Variants in FSCB observed in about 807,000 individuals in gnomAD.
FSCB encodes fibrous sheath CABYR-binding protein.
For synonymous variants in FSCB, 331 were observed against 336.6 expected (o/e 0.98, Z 0.18); for missense variants, 975 against 934.8 (o/e 1.04, Z -0.56).
rs151240998 is a variant in FSCB, at chr14:44,505,644, G to T, written c.1344C>A (p.Thr448=). ...RELQLSTAME[T]PAEEAPTEFQ... is the part of the protein sequence containing the mutation. The stretch of plus-strand genomic sequence containing the variant: ...ATTCAGTAGGAGCCTCTTCTGCAGG[G>T]GTCTCCATAGCTGTTGAAAGCTGAA... The change falls in exon 1 of 1, where the codon ACC becomes ACA. Residue 448 remains threonine (T), a synonymous_variant. Coordinates refer to ENST00000340446, the MANE Select transcript of FSCB (RefSeq NM_032135.4). 2.5e-6 allele frequency: 4 copies of T among 1,613,282 alleles called. No homozygotes were observed. Among genetic ancestry groups the T allele is most frequent in the South Asian group, 1.1e-5 (1 of 91,020 alleles).
rs776935902 is a variant in FSCB, at chr14:44,505,785, A to G, written c.1203T>C (p.Ala401=). 6.2e-7 allele frequency: 1 copy of G among 1,614,060 alleles called. No individual in the cohort carries two copies. Among genetic ancestry groups the G allele is most frequent in the South Asian group, 1.1e-5 (1 of 91,074 alleles). Residue 401 remains alanine, a synonymous_variant, in exon 1 of 1, where the codon GCT becomes GCC. Transcript: ENST00000340446. The part of the protein sequence containing the change: ...KAPIEVQPLP[A]EGALEEAPAK... Reference sequence around the variant, plus strand: ...CTGGGGCCTCTTCAAGGGCGCCCTCAGCTGGTAAAGGCTGTACTTCAATGG... The same window carrying G: ...CTGGGGCCTCTTCAAGGGCGCCCTCGGCTGGTAAAGGCTGTACTTCAATGG...
At position 44,505,124 on chromosome 14, in the gene FSCB, C is replaced by A. The variant is rs1186803978; in HGVS notation, c.1864G>T (p.Val622Phe). Residue 622 changes from valine (V) to phenylalanine (F), a missense_variant, in exon 1 of 1, where the codon GTT (valine) becomes TTT (phenylalanine). By Grantham distance (50) the Val-to-Phe change is conservative. Transcript: ENST00000340446. ...PPPAEEAPAE[V>F]QPPPAEEAPA... ...GCCTCCTCAGCTGGTGGAGGCTGAA[C>A]TTCAGCGGGGGCCTCCTCAGCTGGT... The A allele has an allele frequency of 6.3e-7, 1 of 1,598,580 alleles. No individual in the cohort carries two copies. Among genetic ancestry groups the A allele is most frequent in the Non-Finnish European group, 8.5e-7 (1 of 1,176,946 alleles).
chr14:44,504,699 C>T lies in FSCB; in HGVS notation c.2289G>A (p.Pro763=), dbSNP rs749000829. 6.1e-5 allele frequency: 99 copies of T among 1,614,110 alleles called. No homozygotes were observed. The highest frequency in any genetic ancestry group is 1.8e-4 in the South Asian group (16 of 91,086). ...TTACTGCTGGAATTCCTGCCACCTGCGGTGACTGAAATTCTGTAGACACAT... is the reference window on the plus strand; with the variant it reads ...TTACTGCTGGAATTCCTGCCACCTGTGGTGACTGAAATTCTGTAGACACAT... The part of the protein sequence containing the change: ...VENVSTEFQS[P]QVAGIPAVKL... Residue 763 remains proline (P), a synonymous_variant, in exon 1 of 1, where the codon CCG becomes CCA. Transcript: ENST00000340446.
Position 44,505,245 on chromosome 14 carries a change from A to T in FSCB, c.1743T>A (p.Gly581=). ...EAPLELQPPS[G]EETTAEEASA... is the part of the protein sequence containing the mutation. The stretch of plus-strand genomic sequence containing the variant: ...AGGCCTCTTCTGCAGTGGTCTCTTC[A>T]CCTGATGGAGGCTGAAGCTCAAGAG... The change falls in exon 1 of 1, where the codon GGT becomes GGA. Residue 581 remains glycine, a synonymous_variant. Coordinates refer to ENST00000340446, the MANE Select transcript of FSCB (RefSeq NM_032135.4). 6.2e-7 allele frequency: 1 copy of T among 1,613,074 alleles called. No homozygotes were observed. The highest frequency in any genetic ancestry group is 8.5e-7 in the Non-Finnish European group (1 of 1,179,880).
Position 44,505,350 on chromosome 14 carries a change from T to G in FSCB, c.1638A>C (p.Leu546=). ...CCTCTTCTGCAGAAGTCTCCTCAGA[T>G]AGTGGAGACTGAGCTTCAGCAGGAG... ...DETPAEAQSP[L]SEETSAEEAP... is the part of the protein sequence containing the mutation. Residue 546 remains leucine (L), a synonymous_variant, in exon 1 of 1, where the codon CTA becomes CTC. Transcript: ENST00000340446. The G allele has an allele frequency of 1.2e-6, 2 of 1,613,034 alleles. No individual in the cohort carries two copies. The highest frequency in any genetic ancestry group is 1.7e-6 in the Non-Finnish European group (2 of 1,179,970).
rs1169250295 is a variant in FSCB, at chr14:44,504,931, G to A, written c.2057C>T (p.Pro686Leu). 1 of 1,609,558 alleles carries A rather than the reference G, an allele frequency of 6.2e-7. No homozygotes were observed. The highest frequency in any genetic ancestry group is 1.4e-5 in the African/African-American group (1 of 71,570). The change falls in exon 1 of 1, where the codon CCA becomes CTA. Residue 686 changes from proline (P) to leucine (L), a missense_variant. Transcript: ENST00000340446. ...EEAPAEVQSL[P>L]AEETPIEETL... The stretch of plus-strand genomic sequence containing the variant: ...CTCTTCTATAGGAGTCTCCTCAGCT[G>A]GTAGAGACTGAACTTCAGCAGGGGC...
chr14:44,506,215 T>G lies in FSCB; in HGVS notation c.773A>C (p.Glu258Ala). The G allele has an allele frequency of 6.2e-7, 1 of 1,614,202 alleles. No individual in the cohort carries two copies. Among genetic ancestry groups the G allele is most frequent in the South Asian group, 1.1e-5 (1 of 91,082 alleles). Residue 258 changes from glutamate (E) to alanine (A), a missense_variant, in exon 1 of 1, where the codon GAG (glutamate) becomes GCG (alanine). Coordinates refer to ENST00000340446, the MANE Select transcript of FSCB (RefSeq NM_032135.4). ...TGGGAATTTTTCTGTTGATGGAGGC[T>G]CTATTTCAGCAGAAGCCACTTTTTT... ...AVKKVASAEI[E>A]PPSTEKFPAK...
chr14:44,505,324 G>A lies in FSCB; in HGVS notation c.1664C>T (p.Ala555Val), dbSNP rs1271612983. Residue 555 changes from alanine (A) to valine (V), a missense_variant, in exon 1 of 1, where the codon GCT becomes GTT. Transcript: ENST00000340446. ...PLSEETSAEE[A>V]PAEVQSPSAK... is the part of the protein sequence containing the mutation. ...TGATGGAGACTGAACTTCAGCAGGA[G>A]CCTCTTCTGCAGAAGTCTCCTCAGA... 1.2e-6 allele frequency: 2 copies of A among 1,612,924 alleles called. No individual in the cohort carries two copies. Among genetic ancestry groups the A allele is most frequent in the African/African-American group, 2.7e-5 (2 of 74,788 alleles).
chr14:44,506,052 A>G lies in FSCB; in HGVS notation c.936T>C (p.Asn312=), dbSNP rs1465979539. 1 of 1,614,146 alleles carries G rather than the reference A, an allele frequency of 6.2e-7. No homozygotes were observed. Among genetic ancestry groups the G allele is most frequent in the Non-Finnish European group, 8.5e-7 (1 of 1,180,036 alleles). ...CAGGTGGAGGCTGAACTTTAACAGA[A>G]TTCTCCGCAACTGCAGTGGCTGCCT... The part of the protein sequence containing the change: ...DAEAATAVAE[N]SVKVQPPPAE... The change falls in exon 1 of 1, where the codon AAT becomes AAC. Residue 312 remains asparagine (N), a synonymous_variant. Coordinates refer to ENST00000340446, the MANE Select transcript of FSCB (RefSeq NM_032135.4).
In FSCB at chr14:44,506,961, A is replaced by G. The variant is rs759643320; in HGVS notation, c.27T>C (p.Asp9=). 1.9e-5 allele frequency: 30 copies of G among 1,587,254 alleles called. No individual in the cohort carries two copies. The highest frequency in any genetic ancestry group is 2.5e-5 in the Non-Finnish European group (29 of 1,162,768). The change falls in exon 1 of 1, where the codon GAT becomes GAC. Residue 9 remains aspartate (D), a synonymous_variant. Transcript: ENST00000340446. ...CCATGTGTTTCTTTTTCTCTATTAC[A>G]TCAGTTTGCTGGGATTTGCCTACCA... is the stretch of plus-strand genomic sequence containing the variant. The part of the protein sequence containing the change: MVGKSQQT[D]VIEKKKHMAI...
Position 44,505,800 on chromosome 14 carries a change from T to G in FSCB, c.1188A>C (p.Val396=), listed in dbSNP as rs752205123. The stretch of plus-strand genomic sequence containing the variant: ...GGGCGCCCTCAGCTGGTAAAGGCTG[T>G]ACTTCAATGGGAGCCTTTTGTGCTG... ...SPSAQKAPIE[V]QPLPAEGALE... The change falls in exon 1 of 1, where the codon GTA becomes GTC. Residue 396 remains valine, a synonymous_variant. Coordinates refer to ENST00000340446, the MANE Select transcript of FSCB (RefSeq NM_032135.4). 2 of 1,613,904 alleles carry G rather than the reference T, an allele frequency of 1.2e-6. No homozygotes were observed. The highest frequency in any genetic ancestry group is 1.7e-6 in the Non-Finnish European group (2 of 1,179,972).
rs1881040441 is a variant in FSCB at position 44,505,280 on chromosome 14, C to T, written c.1708G>A (p.Glu570Lys). 2 of 1,613,010 alleles carry T rather than the reference C, an allele frequency of 1.2e-6. No homozygotes were observed. The highest frequency in any genetic ancestry group is 2.2e-5 in the South Asian group (2 of 91,026). Residue 570 changes from glutamate (E) to lysine (K), a missense_variant, in exon 1 of 1, where the codon GAA becomes AAA. Physicochemically the swap from Glu to Lys is moderately conservative, Grantham distance 56. Coordinates refer to ENST00000340446, the MANE Select transcript of FSCB (RefSeq NM_032135.4). ...QSPSAKGVSIEEAPLELQPPS... is the reference protein window; with the variant it reads ...QSPSAKGVSIKEAPLELQPPS... The stretch of plus-strand genomic sequence containing the variant: ...GGCTGAAGCTCAAGAGGGGCCTCTT[C>T]TATAGAAACTCCCTTAGCTGATGGA...
At position 44,506,523 on chromosome 14, in the gene FSCB, T is replaced by C. The variant is rs1288957313; in HGVS notation, c.465A>G (p.Gln155=). ...IPPVEKVDKE[Q]QTYFSESEIV... ...TTTCTGATTCACTAAAGTATGTCTG[T>C]TGTTCCTTGTCCACTTTTTCTACAG... Residue 155 remains glutamine (Q), a synonymous_variant, in exon 1 of 1, where the codon CAA becomes CAG. Coordinates refer to ENST00000340446, the MANE Select transcript of FSCB (RefSeq NM_032135.4). 4 of 1,614,088 alleles carry C rather than the reference T, an allele frequency of 2.5e-6. No individual in the cohort carries two copies. Among genetic ancestry groups the C allele is most frequent in the Non-Finnish European group, 3.4e-6 (4 of 1,180,042 alleles).
Position 44,506,465 on chromosome 14 carries a change from TAGA to T in FSCB, c.520_522del (p.Ser174del), listed in dbSNP as rs746590611. ...TTCAGGGCATCTTCCTTTGACTTTG[TAGA>T]AGAACTATCTGGCCTGGAAATAACC... On this transcript the variant is annotated inframe_deletion, in exon 1 of 1. Transcript: ENST00000340446. 142 of 1,614,098 alleles carry T rather than the reference TAGA, an allele frequency of 8.8e-5. 1 individual carries two copies. The highest frequency in any genetic ancestry group is 1.7e-4 in the Admixed American group (10 of 60,006).
At position 44,505,657 on chromosome 14, in the gene FSCB, G is replaced by T. The variant is rs1470695972; in HGVS notation, c.1331C>A (p.Thr444Lys). 1 of 1,613,532 alleles carries T rather than the reference G, an allele frequency of 6.2e-7. No individual in the cohort carries two copies. The highest frequency in any genetic ancestry group is 8.5e-7 in the Non-Finnish European group (1 of 1,179,996). Reference sequence around the variant, plus strand: ...CTCTTCTGCAGGGGTCTCCATAGCTGTTGAAAGCTGAAGTTCTCGAGCCTC... The same window carrying T: ...CTCTTCTGCAGGGGTCTCCATAGCTTTTGAAAGCTGAAGTTCTCGAGCCTC... Reference protein sequence around the residue: ...REEARELQLSTAMETPAEEAP... With the variant: ...REEARELQLSKAMETPAEEAP... Residue 444 changes from threonine to lysine, a missense_variant, in exon 1 of 1, where the codon ACA becomes AAA. Coordinates refer to ENST00000340446, the MANE Select transcript of FSCB (RefSeq NM_032135.4).
chr14:44,507,014 G>C lies in FSCB; in HGVS notation c.-27C>G. The C allele has an allele frequency of 6.6e-7, 1 of 1,524,244 alleles. No homozygotes were observed. The highest frequency in any genetic ancestry group is 8.9e-7 in the Non-Finnish European group (1 of 1,127,492). The allele number at this position is 1,524,244 out of a possible 1,614,324, so 94.4% of individuals were successfully genotyped here. A position where few individuals can be genotyped will look rare whatever the true frequency, so the allele number is the denominator to read the frequency against. On this transcript the variant is annotated 5_prime_UTR_variant, in exon 1 of 1. Transcript: ENST00000340446. ...GGTTTGCTGGGTCATCTTCTCTTTC[G>C]AATTTCTTGCCTACACGCTGAGATA...
Position 44,506,596 on chromosome 14 carries a change from G to T in FSCB, c.392C>A (p.Ser131Tyr). 6.2e-7 allele frequency: 1 copy of T among 1,614,104 alleles called. No homozygotes were observed. The highest frequency in any genetic ancestry group is 8.5e-7 in the Non-Finnish European group (1 of 1,180,018). Reference protein sequence around the residue: ...IPSVQLKMDRSQQTSRTGYWT... With the variant: ...IPSVQLKMDRYQQTSRTGYWT... ...GTATCCTGTACGGCTGGTCTGCTGA[G>T]ATCTGTCCATTTTTAGTTGAACTGA... The change falls in exon 1 of 1, where the codon TCT (serine) becomes TAT (tyrosine). Residue 131 changes from serine to tyrosine, a missense_variant. Coordinates refer to ENST00000340446, the MANE Select transcript of FSCB (RefSeq NM_032135.4).
At position 44,505,749 on chromosome 14, in the gene FSCB, C is replaced by A; in HGVS notation, c.1239G>T (p.Glu413Asp). Reference protein sequence around the residue: ...GALEEAPAKVEPPTVEETLAD... With the variant: ...GALEEAPAKVDPPTVEETLAD... ...CAAGGGTCTCTTCAACAGTGGGAGG[C>A]TCTACTTTAGCTGGGGCCTCTTCAA... is the stretch of plus-strand genomic sequence containing the variant. Residue 413 changes from glutamate (E) to aspartate (D), a missense_variant, in exon 1 of 1, where the codon GAG (glutamate) becomes GAT (aspartate). Coordinates refer to ENST00000340446, the MANE Select transcript of FSCB (RefSeq NM_032135.4). 1 of 1,613,634 alleles carries A rather than the reference C, an allele frequency of 6.2e-7. No homozygotes were observed. Among genetic ancestry groups the A allele is most frequent in the Non-Finnish European group, 8.5e-7 (1 of 1,179,894 alleles).
Position 44,506,869 on chromosome 14 carries a change from C to T in FSCB, c.119G>A (p.Ser40Asn). The change falls in exon 1 of 1, where the codon AGC (serine) becomes AAC (asparagine). Residue 40 changes from serine to asparagine, a missense_variant. Transcript: ENST00000340446. ...RIGNTSGSKG[S>N]YSAKAYESIR... is the part of the protein sequence containing the mutation. ...AGACTCATAGGCTTTGGCAGAGTAGCTGCCTTTGCTTCCAGAAGTATTACC... is the reference window on the plus strand; with the variant it reads ...AGACTCATAGGCTTTGGCAGAGTAGTTGCCTTTGCTTCCAGAAGTATTACC... The T allele has an allele frequency of 6.2e-7, 1 of 1,613,652 alleles. No individual in the cohort carries two copies. The highest frequency in any genetic ancestry group is 8.5e-7 in the Non-Finnish European group (1 of 1,179,624).
Sources: allele counts gnomAD v4.1 joint callset, GRCh38; gene constraint gnomAD v4.1.1; transcripts MANE v1.5; gene names NCBI Gene and HGNC (gene_info 2026-07-23, HGNC 2026-07-21).